The following PRKN variants were observed in gnomAD, a reference collection of about 807,000 sequenced individuals.
The protein encoded by PRKN is E3 ubiquitin-protein ligase parkin.
PRKN carries 56 observed loss-of-function variants against 59.5 expected under a neutral mutation model. The ratio of observed to expected loss-of-function variants is 0.94; its 90% CI spans 0.76 to 1.18. The LOEUF (loss-of-function observed/expected upper bound fraction) is 1.18, where lower values mean the gene tolerates loss of function less well. PRKN is among the 50% of genes most tolerant of loss of function. The probability of loss-of-function intolerance (pLI) is 0.00; values close to 1 mark genes in which losing one functional copy is unlikely to be tolerated. For missense variants in PRKN, 657 were observed against 596.4 expected (o/e 1.10, Z -1.06); for synonymous variants, 250 against 222.1 (o/e 1.13, Z -1.12).
chr6:162,211,493 C>T (rs1562583782), intron 3 of PRKN, among the ~76,000 whole-genome samples: 1 of 152,014 alleles, frequency 6.6e-6, no homozygotes, highest in Admixed American at 6.6e-5. Flanking sequence ...AGAAGTAGTA[C>T]TTTTCTTGCT....
rs1304424617 is a variant in PRKN, at chr6:161,348,108, T to C, written c.*1991A>G. On this transcript the variant is annotated 3_prime_UTR_variant, in exon 12 of 12. Coordinates refer to ENST00000366898, the MANE Select transcript of PRKN (RefSeq NM_004562.3). The surrounding 1 kb of genome is among the most constrained non-coding windows in gnomAD (Gnocchi z 4.9). ...CATGCAGATTGGGAAGGCGCAATAA[T>C]GCAAACACCATCAGGAAGAAAGCTA... The C allele has an allele frequency of 5.2e-6, 1 of 191,172 alleles. No homozygotes were observed. Among genetic ancestry groups the C allele is most frequent in the Non-Finnish European group, 1.1e-5 (1 of 91,420 alleles). 11.8% of individuals were successfully genotyped at this position (191,172 alleles called of 1,614,324 possible).
intron 6 of PRKN, among the ~76,000 whole-genome samples, chr6:161,793,545 G>A (rs1387406495): frequency 6.6e-6 from 1 of 151,512 alleles, no homozygotes; most frequent in Non-Finnish European, 1.5e-5. Flanking sequence ...GCCAGGCAGT[G>A]TCATGTCACA....
chr6:162,442,606 G>A (rs1378805763), intron 2 of PRKN, among the ~76,000 whole-genome samples: 1 of 152,104 alleles, frequency 6.6e-6, no homozygotes, highest in Non-Finnish European at 1.5e-5. Flanking sequence ...ATGGGGCTAG[G>A]AGCAGTGGGC....
rs1196236618 is a variant in PRKN, at chr6:161,584,701, C to G, written c.872-15285G>C. On this transcript the variant is annotated intron_variant, in intron 7 of 11. Transcript: ENST00000366898. This position sits in a 1 kb window ranked among gnomAD's most constrained non-coding sequence, Gnocchi z 4.8. ...CTGGATACAAAACTCCATTATACAA[C>G]AGGGGGATCCTACATCCAGCTTCAT... Among the ~76,000 whole-genome samples, 1 of 152,128 alleles carries G rather than the reference C, an allele frequency of 6.6e-6. No homozygotes were observed. Among genetic ancestry groups the G allele is most frequent in the Admixed American group, 6.5e-5 (1 of 15,270 alleles).
chr6:162,468,025 A>G (rs1791516356), intron 1 of PRKN, among the ~76,000 whole-genome samples: 1 of 152,222 alleles, frequency 6.6e-6, no homozygotes. Context: ...AGCCTCCCTA[A>G]CTACTCTCTC....
chr6:162,439,606 G>T (rs9458551), intron 2 of PRKN, among the ~76,000 whole-genome samples: 8,487 of 152,014 alleles, frequency 0.056, 676 homozygotes, highest in African/African-American at 0.18. Flanking sequence ...AACATGGGTT[G>T]AAACTGCATG....
At chr6:162,333,449 A>G (rs1211401556) in intron 2 of PRKN, among the ~76,000 whole-genome samples, 1 of 152,122 alleles carries the variant, frequency 6.6e-6, no homozygotes, top group African/African-American at 2.4e-5. Flanking sequence ...CATTTTGGTA[A>G]TTCATATAAT....
intron 7 of PRKN, among the ~76,000 whole-genome samples, chr6:161,687,911 A>G (rs2128174548): frequency 6.6e-6 from 1 of 152,346 alleles, no homozygotes; most frequent in South Asian, 2.1e-4. Context: ...GTAAAATTGT[A>G]ATAAGAAATT....
At chr6:161,433,756 C>T (rs1788755489) in intron 9 of PRKN, among the ~76,000 whole-genome samples, 1 of 152,024 alleles carries the variant, frequency 6.6e-6, no homozygotes, top group Non-Finnish European at 1.5e-5. Context: ...GTGGCTGTCA[C>T]CTGTAATCCC....
intron 1 of PRKN, among the ~76,000 whole-genome samples, chr6:162,618,536 A>C (rs1209674053): frequency 6.6e-6 from 1 of 152,188 alleles, no homozygotes; most frequent in Non-Finnish European, 1.5e-5. Context: ...CGTGTTCAGG[A>C]AAGTAAAGGT....
intron 6 of PRKN, among the ~76,000 whole-genome samples, chr6:161,881,955 G>A (rs904373365): frequency 6.6e-6 from 1 of 152,104 alleles, no homozygotes; most frequent in Non-Finnish European, 1.5e-5. Flanking sequence ...AACTGAAACT[G>A]CCACCACTGC....
chr6:161,949,865 G>A (rs974121318), intron 6 of PRKN, among the ~76,000 whole-genome samples: 1 of 152,220 alleles, frequency 6.6e-6, no homozygotes, highest in Admixed American at 6.5e-5. Context: ...GCCCCTGGCT[G>A]TCCAGGTCAG....
In PRKN at chr6:162,506,176, T is replaced by C. The variant is rs117253553; in HGVS notation, c.8-62703A>G. On this transcript the variant is annotated intron_variant, in intron 1 of 11. Transcript: ENST00000366898. ...TCATTCAATAGTTGGTATTTGATAA[T>C]AGAGACAGCAAATGGTGGTAAGGCA... is the stretch of plus-strand genomic sequence containing the variant. Among the ~76,000 whole-genome samples, 121 of 135,022 alleles carry C rather than the reference T, an allele frequency of 9.0e-4. 1 individual carries two copies. In the South Asian group the frequency reaches 0.013, roughly 14 times the overall value. The allele number at this position is 135,022 out of a possible 152,430, so 88.6% of individuals were successfully genotyped here. A position where few individuals can be genotyped will look rare whatever the true frequency, so the allele number is the denominator to read the frequency against.
chr6:162,068,475 C>G (rs1456082067), intron 4 of PRKN, among the ~76,000 whole-genome samples: 1 of 152,212 alleles, frequency 6.6e-6, no homozygotes, highest in Non-Finnish European at 1.5e-5. Flanking sequence ...CTGGGCTGCT[C>G]TCTTCCCTGG....
At chr6:162,339,308 G>A (rs865862224) in intron 2 of PRKN, among the ~76,000 whole-genome samples, 1,694 of 138,140 alleles carry the variant, frequency 0.012, 22 homozygotes, top group African/African-American at 0.026. Flanking sequence ...TCAGCCCCCC[G>A]CCCGGCCAGC....
intron 9 of PRKN, among the ~76,000 whole-genome samples, chr6:161,433,231 G>A (rs2115058096): frequency 6.6e-6 from 1 of 152,252 alleles, no homozygotes; most frequent in East Asian, 1.9e-4. Flanking sequence ...ATGAAAAATG[G>A]AAGAAATTCA....
At chr6:161,864,190 C>T (rs1479233835) in intron 6 of PRKN, among the ~76,000 whole-genome samples, 5 of 152,116 alleles carry the variant, frequency 3.3e-5, no homozygotes, top group Admixed American at 3.3e-4. Flanking sequence ...ATTTTACTCA[C>T]GGTAGAATTT....
At chr6:162,585,397 C>T (rs1781001886) in intron 1 of PRKN, among the ~76,000 whole-genome samples, 2 of 152,150 alleles carry the variant, frequency 1.3e-5, no homozygotes, top group African/African-American at 2.4e-5. Context: ...CCATTGGCTG[C>T]ATTTAGTTCT....
intron 9 of PRKN, among the ~76,000 whole-genome samples, chr6:161,404,541 G>T (rs1229056310): frequency 6.6e-6 from 1 of 152,186 alleles, no homozygotes; most frequent in Non-Finnish European, 1.5e-5. Context: ...GCAGTTTCTT[G>T]TCTCAGTGAC....
Sources: allele counts gnomAD v4.1 joint callset (sites outside exome capture counted in the v4.1 genomes callset), GRCh38; gene constraint gnomAD v4.1.1; non-coding constraint Gnocchi (gnomAD v3.1); transcripts MANE v1.5; gene names NCBI Gene and HGNC (gene_info 2026-07-23, HGNC 2026-07-21).